The following HSCB variants were observed in gnomAD, a reference collection of about 807,000 sequenced individuals.
HSCB encodes iron-sulfur cluster co-chaperone protein HscB.
A neutral mutation model predicts 31.3 loss-of-function variants in HSCB; 23 were observed. The ratio of observed to expected loss-of-function variants is 0.74; its 90% confidence interval spans 0.53 to 1.04. The LOEUF is 1.04. Among genes scored for constraint, HSCB ranks in the 50% least tolerant of loss-of-function variants. HSCB has a pLI of 0.00. For synonymous variants in HSCB, 110 were observed against 104.5 expected, an observed-to-expected ratio of 1.05 and a Z score of -0.32; for missense variants, 297 against 288.1, an observed-to-expected ratio of 1.03 and a Z score of -0.22.
rs758451182 is a variant in HSCB at position 28,750,945 on chromosome 22, C to CTTTTTTTTTTTTTTTTTTTTTT, written c.569-293_569-272dup. On this transcript the variant is annotated intron_variant, in intron 4 of 5. Coordinates refer to ENST00000216027, the MANE Select transcript of HSCB (RefSeq NM_172002.5). ...GGAGATAATCAAAGTATATCTTTGT[C>CTTTTTTTTTTTTTTTTTTTTTT]TTTTTTTTTTTTTTTTTTTTTTTTA... Among the ~76,000 whole-genome samples, 29 of 56,454 alleles carry CTTTTTTTTTTTTTTTTTTTTTT rather than the reference C, an allele frequency of 5.1e-4. 2 individuals carry two copies. The highest frequency in any genetic ancestry group is 4.1e-3 in the East Asian group (4 of 978). 37.0% of individuals were successfully genotyped at this position (56,454 alleles called of 152,430 possible).
chr22:28,753,400 C>T (rs2030388497), intron 5 of HSCB, among the ~76,000 whole-genome samples: 1 of 151,560 alleles, frequency 6.6e-6, no homozygotes, highest in South Asian at 2.1e-4. Flanking sequence ...TGGTGGCGGG[C>T]GCCTGTAATC....
At chr22:28,752,049 C>T (rs1470514183) in intron 5 of HSCB, among the ~76,000 whole-genome samples, 2 of 151,992 alleles carry the variant, frequency 1.3e-5, no homozygotes, top group Non-Finnish European at 2.9e-5. Flanking sequence ...CAAGATCACG[C>T]CACTGCACTC....
chr22:28,750,247 CAAAAAAAAAAAAAAA>C (rs563701958), intron 4 of HSCB, among the ~76,000 whole-genome samples: 16 of 64,698 alleles, frequency 2.5e-4, no homozygotes, highest in Non-Finnish European at 3.7e-4. Context: ...GAAACTGTCT[CAAAAAAAAAAAAAAA>C]AAAAAAAAAA....
chr22:28,755,041 A>G lies in HSCB; in HGVS notation c.617-2037A>G, dbSNP rs75611934. Among the ~76,000 whole-genome samples the G allele has an allele frequency of 2.2e-3, 328 of 148,340 alleles. 2 individuals carry two copies. The highest frequency in any genetic ancestry group is 0.011 in the Middle Eastern group (3 of 284). On this transcript the variant is annotated intron_variant, in intron 5 of 5. Coordinates refer to ENST00000216027, the MANE Select transcript of HSCB (RefSeq NM_172002.5). The stretch of plus-strand genomic sequence containing the variant: ...GAACTCCTGACCTCATGATCCGCCC[A>G]CCTCGGCCTCCCAAAGTGCTGGGAT...
intron 5 of HSCB, among the ~76,000 whole-genome samples, chr22:28,751,644 G>T (rs181258201): frequency 2.2e-3 from 332 of 152,152 alleles, no homozygotes; most frequent in Non-Finnish European, 3.6e-3. Flanking sequence ...TACTTGGGAG[G>T]CTGAGGCAGG....
chr22:28,750,033 T>G (rs2030103592), intron 4 of HSCB, among the ~76,000 whole-genome samples: 1 of 151,936 alleles, frequency 6.6e-6, no homozygotes, highest in South Asian at 2.1e-4. Context: ...GCAGATTACC[T>G]GAGGTCAGGA....
At chr22:28,751,641 G>C (rs1225285869) in intron 5 of HSCB, among the ~76,000 whole-genome samples, 1 of 151,978 alleles carries the variant, frequency 6.6e-6, no homozygotes, top group Admixed American at 6.6e-5. Flanking sequence ...AGCTACTTGG[G>C]AGGCTGAGGC....
chr22:28,745,917 G>C lies in HSCB; in HGVS notation c.477G>C (p.Arg159Ser). 6.2e-7 allele frequency: 1 copy of C among 1,613,326 alleles called. No homozygotes were observed. The highest frequency in any genetic ancestry group is 8.5e-7 in the Non-Finnish European group (1 of 1,179,376). The change falls in exon 4 of 6, where the codon AGG becomes AGC. Residue 159 changes from arginine to serine, a missense_variant. By Grantham distance (110) the Arg-to-Ser change is moderately radical. Coordinates refer to ENST00000216027, the MANE Select transcript of HSCB (RefSeq NM_172002.5). ...IPERTDYEMDRQFLIEIMEIN... is the reference protein window; with the variant it reads ...IPERTDYEMDSQFLIEIMEIN... The stretch of plus-strand genomic sequence containing the variant: ...AAAGGACAGATTATGAAATGGACAG[G>C]CAATTCCTCATAGAAATAATGGAAA...
intron 4 of HSCB, among the ~76,000 whole-genome samples, chr22:28,748,300 A>T (rs1394752611): frequency 6.6e-6 from 1 of 152,194 alleles, no homozygotes; most frequent in Non-Finnish European, 1.5e-5. Flanking sequence ...GCCCATAGTC[A>T]ATCTATTACA....
chr22:28,744,862 C>T (rs2054658476), intron 3 of HSCB, among the ~76,000 whole-genome samples, 158 bp downstream of exon 3: 2 of 151,902 alleles, frequency 1.3e-5, no homozygotes, highest in Non-Finnish European at 2.9e-5. Flanking sequence ...GTGGTCAGAT[C>T]ACTTCAGCCC....
intron 4 of HSCB, among the ~76,000 whole-genome samples, chr22:28,747,863 C>T (rs186441204): frequency 6.6e-6 from 1 of 151,678 alleles, no homozygotes; most frequent in African/African-American, 2.4e-5. Context: ...CAAGTGTCTC[C>T]CCTCCCCACC....
intron 1 of HSCB, among the ~76,000 whole-genome samples, chr22:28,743,588 C>G (rs1383062773): frequency 6.6e-6 from 1 of 152,120 alleles, no homozygotes; most frequent in Non-Finnish European, 1.5e-5. Flanking sequence ...CTCAGGCATC[C>G]CCATCTTGCT....
intron 4 of HSCB, 148 bp downstream of exon 4, chr22:28,746,156 G>T: frequency 1.6e-6 from 1 of 642,276 alleles, no homozygotes; most frequent in Non-Finnish European, 2.5e-6. Context: ...CAAGGCAAGT[G>T]GATCACCTGA....
In HSCB at chr22:28,742,146, G is replaced by A. The variant is rs780446620; in HGVS notation, c.51G>A (p.Pro17=). The part of the protein sequence containing the change: ...GALLRVWGFW[P]TGVPRRRPLS... Reference sequence around the variant, plus strand: ...TGCTCCGGGTGTGGGGGTTTTGGCCGACAGGGGTTCCCAGAAGGAGACCGC... The same window carrying A: ...TGCTCCGGGTGTGGGGGTTTTGGCCAACAGGGGTTCCCAGAAGGAGACCGC... Residue 17 remains proline, a synonymous_variant, in exon 1 of 6, where the codon CCG becomes CCA. Transcript: ENST00000216027. 1.9e-6 allele frequency: 3 copies of A among 1,613,098 alleles called. No individual in the cohort carries two copies. In the Admixed American group the frequency reaches 5.0e-5, roughly 27 times the overall value.
rs1337187527 is a variant in HSCB at position 28,757,386 on chromosome 22, G to A, written c.*217G>A. The A allele has an allele frequency of 7.6e-6, 3 of 394,886 alleles. No individual in the cohort carries two copies. The highest frequency in any genetic ancestry group is 9.5e-6 in the Non-Finnish European group (2 of 210,592). 24.5% of individuals were successfully genotyped at this position (394,886 alleles called of 1,614,324 possible). On this transcript the variant is annotated 3_prime_UTR_variant, in exon 6 of 6. Coordinates refer to ENST00000216027, the MANE Select transcript of HSCB (RefSeq NM_172002.5). ...TGTAATCCCAGCTACTTGGTAGGCCGAGGCAGGAGAATCGCTTAAACCCGT... is the reference window on the plus strand; with the variant it reads ...TGTAATCCCAGCTACTTGGTAGGCCAAGGCAGGAGAATCGCTTAAACCCGT...
Position 28,748,142 on chromosome 22 carries a change from G to A in HSCB, c.568+2134G>A, listed in dbSNP as rs931577924. 3.9e-5 allele frequency among the ~76,000 whole-genome samples: 6 copies of A among 152,130 alleles called. No homozygotes were observed. The East Asian group carries it at 1.2e-3, about 29-fold the overall frequency. On this transcript the variant is annotated intron_variant, in intron 4 of 5. Transcript: ENST00000216027. ...GGAGGTTGCAGTGAGCCGAGATTGT[G>A]CCACTGCACTCCAGCCTGAGTGACA... is the stretch of plus-strand genomic sequence containing the variant.
Position 28,757,204 on chromosome 22 carries a change from T to C in HSCB, c.*35T>C. On this transcript the variant is annotated 3_prime_UTR_variant, in exon 6 of 6. Transcript: ENST00000216027. Reference sequence around the variant, plus strand: ...GTTTAAAGTTTAAAAAATAAAGTTCTTGCTGGGCACAGTGGCTCACACCTG... The same window carrying C: ...GTTTAAAGTTTAAAAAATAAAGTTCCTGCTGGGCACAGTGGCTCACACCTG... 4 of 1,189,816 alleles carry C rather than the reference T, an allele frequency of 3.4e-6. No individual in the cohort carries two copies. The highest frequency in any genetic ancestry group is 5.0e-6 in the Non-Finnish European group (4 of 801,764). The allele number at this position is 1,189,816 out of a possible 1,614,324, so 73.7% of individuals were successfully genotyped here.
At chr22:28,745,060 A>G (rs946321100) in intron 3 of HSCB, among the ~76,000 whole-genome samples, 2 of 151,820 alleles carry the variant, frequency 1.3e-5, no homozygotes, top group Admixed American at 6.6e-5. Context: ...CCTCTCAAAA[A>G]AAAAAAAAAA....
At chr22:28,743,835 C>G (rs1233682074) in intron 1 of HSCB, 47 bp from the exon 2 acceptor site, 1 of 1,486,642 alleles carries the variant, frequency 6.7e-7, no homozygotes, top group African/African-American at 1.4e-5. Flanking sequence ...GGTAGATAAA[C>G]CTTTAAATAT....
Sources: gnomAD v4.1 joint callset for allele counts (sites outside exome capture counted in the v4.1 genomes callset) on GRCh38, gnomAD v4.1.1 for gene constraint, MANE v1.5 for transcripts, NCBI Gene and HGNC (gene_info 2026-07-23, HGNC 2026-07-21) for gene names.